The following MACROD2 variants were observed in gnomAD, a reference collection of about 807,000 sequenced individuals.
MACROD2 encodes ADP-ribose glycohydrolase MACROD2.
A neutral mutation model predicts 70.4 loss-of-function variants in MACROD2; 36 were observed. The ratio of observed to expected loss-of-function variants is 0.51; its 90% confidence interval spans 0.39 to 0.68. The LOEUF (loss-of-function observed/expected upper bound fraction) is 0.68. MACROD2 is among the 30% of genes least tolerant of loss of function. The pLI, the probability that MACROD2 is intolerant of heterozygous loss-of-function variation, is 0.00. For synonymous variants in MACROD2, 172 were observed against 178.8 expected, an observed-to-expected ratio of 0.96 and a Z score of 0.30; for missense variants, 496 against 538.4, an observed-to-expected ratio of 0.92 and a Z score of 0.78.
intron 8 of MACROD2, among the ~76,000 whole-genome samples, chr20:15,708,563 C>A (rs535236498): frequency 6.6e-6 from 1 of 152,144 alleles, no homozygotes; most frequent in Non-Finnish European, 1.5e-5. Flanking sequence ...AGAGAGGGAG[C>A]CAGACCCTGT....
chr20:15,011,033 A>G (rs142712151), intron 5 of MACROD2, among the ~76,000 whole-genome samples: 2 of 152,310 alleles, frequency 1.3e-5, no homozygotes, highest in African/African-American at 4.8e-5. Flanking sequence ...ATGCTGCCTG[A>G]TGCTAGTGAC....
intron 8 of MACROD2, among the ~76,000 whole-genome samples, chr20:15,680,316 T>C (rs983688036): frequency 6.6e-6 from 1 of 152,074 alleles, no homozygotes; most frequent in Admixed American, 6.5e-5. Context: ...AAGCCCAGGG[T>C]TCTTTGGAGT....
intron 5 of MACROD2, among the ~76,000 whole-genome samples, chr20:15,154,266 C>T (rs112083635): frequency 4.6e-5 from 7 of 152,270 alleles, no homozygotes; most frequent in East Asian, 1.9e-4. Context: ...CATTCCTCAC[C>T]GTCACTTGCA....
intron 5 of MACROD2, among the ~76,000 whole-genome samples, chr20:14,983,681 G>A (rs1216980410): frequency 2.0e-5 from 3 of 152,146 alleles, no homozygotes; most frequent in Non-Finnish European, 2.9e-5. Flanking sequence ...GGAACTGTAA[G>A]TTCAATAAAC....
intron 2 of MACROD2, among the ~76,000 whole-genome samples, chr20:14,007,690 C>T (rs2052842088): frequency 6.6e-6 from 1 of 152,046 alleles, no homozygotes; most frequent in South Asian, 2.1e-4. Flanking sequence ...AATCTCCTTT[C>T]CTACTACTGT....
intron 5 of MACROD2, among the ~76,000 whole-genome samples, chr20:15,206,829 C>T (rs2076711609): frequency 6.7e-6 from 1 of 148,582 alleles, no homozygotes; most frequent in Admixed American, 6.7e-5. Context: ...CTCCACCTCC[C>T]GGGTTCACGC....
chr20:14,832,323 A>G (rs1207813879), intron 5 of MACROD2, among the ~76,000 whole-genome samples: 2 of 152,014 alleles, frequency 1.3e-5, no homozygotes, highest in East Asian at 3.9e-4. Flanking sequence ...CAGTGTCAGA[A>G]GCCAACCAGT....
intron 5 of MACROD2, among the ~76,000 whole-genome samples, chr20:15,135,804 A>G (rs1249236434): frequency 1.4e-5 from 2 of 143,158 alleles, no homozygotes; most frequent in Admixed American, 1.4e-4. Context: ...ATGATTGTAT[A>G]TCTAGAAAAC....
intron 5 of MACROD2, among the ~76,000 whole-genome samples, chr20:15,146,001 A>T (rs141549776): frequency 1.3e-5 from 2 of 152,148 alleles, no homozygotes; most frequent in African/African-American, 4.8e-5. Flanking sequence ...GCAACAATGT[A>T]ATTAAGTACA....
At chr20:15,969,757 A>T (rs960051857) in intron 13 of MACROD2, among the ~76,000 whole-genome samples, 1 of 152,062 alleles carries the variant, frequency 6.6e-6, no homozygotes, top group African/African-American at 2.4e-5. Context: ...GGAAGGAGAG[A>T]GACAATTGGG....
At chr20:14,437,809 A>C (rs1435540603) in intron 3 of MACROD2, among the ~76,000 whole-genome samples, 1 of 152,200 alleles carries the variant, frequency 6.6e-6, no homozygotes, top group African/African-American at 2.4e-5. Context: ...TTGCCTATTA[A>C]GATGTTTTTA....
chr20:15,428,644 A>G (rs913857097), intron 6 of MACROD2, among the ~76,000 whole-genome samples: 1 of 152,158 alleles, frequency 6.6e-6, no homozygotes, highest in Non-Finnish European at 1.5e-5. Context: ...ACCTTGTCAC[A>G]TCTTCATAAT....
chr20:14,966,218 T>A (rs1019957353), intron 5 of MACROD2, among the ~76,000 whole-genome samples: 31 of 152,196 alleles, frequency 2.0e-4, no homozygotes, highest in African/African-American at 7.5e-4. Context: ...CTTGTCTTTT[T>A]AATATTAATT....
intron 8 of MACROD2, among the ~76,000 whole-genome samples, chr20:15,723,858 AC>A (rs2050823376): frequency 6.6e-6 from 1 of 152,176 alleles, no homozygotes. Context: ...TTTGTAAGAA[AC>A]TGCCCAACTG....
intron 8 of MACROD2, among the ~76,000 whole-genome samples, chr20:15,541,087 G>A (rs867236724): frequency 2.6e-5 from 4 of 152,140 alleles, no homozygotes; most frequent in South Asian, 2.1e-4. Context: ...GGTACTACTC[G>A]TGGAAACAGA....
chr20:14,073,454 G>T (rs144819776), intron 2 of MACROD2, among the ~76,000 whole-genome samples: 2 of 152,202 alleles, frequency 1.3e-5, no homozygotes, highest in Non-Finnish European at 2.9e-5. Flanking sequence ...AAAGAATACT[G>T]AAATGAATTT....
At chr20:15,651,543 C>A (rs552897934) in intron 8 of MACROD2, among the ~76,000 whole-genome samples, 13 of 152,294 alleles carry the variant, frequency 8.5e-5, no homozygotes, top group Middle Eastern at 3.4e-3. Flanking sequence ...TCCAGGCTCT[C>A]AGCTCTGTCT....
At chr20:14,092,863 C>T (rs1013967881) in intron 3 of MACROD2, among the ~76,000 whole-genome samples, 5 of 152,146 alleles carry the variant, frequency 3.3e-5, no homozygotes, top group Non-Finnish European at 7.3e-5. Flanking sequence ...TCTGAGAGAA[C>T]TCAGGTTAGT....
intron 6 of MACROD2, among the ~76,000 whole-genome samples, chr20:15,290,373 A>C (rs1383894579): frequency 1.3e-5 from 2 of 152,088 alleles, no homozygotes; most frequent in Admixed American, 1.3e-4. Flanking sequence ...CATTATGCAG[A>C]GTGTTGATTT....
Sources: gnomAD v4.1 joint callset for allele counts (sites outside exome capture counted in the v4.1 genomes callset) on GRCh38, gnomAD v4.1.1 for gene constraint, MANE v1.5 for transcripts, NCBI Gene and HGNC (gene_info 2026-07-23, HGNC 2026-07-21) for gene names.